HAT1: variants seen among roughly 807,000 people sequenced by gnomAD.
The protein encoded by HAT1 is histone acetyltransferase 1.
Under a neutral mutation model 56.6 loss-of-function variants are expected in HAT1, and 20 were observed. The observed-to-expected ratio is 0.35, with a 90% confidence interval of 0.25 to 0.51. The LOEUF (loss-of-function observed/expected upper bound fraction) is 0.51. Ranked by LOEUF, HAT1 falls within the 20% of genes least tolerant of loss-of-function variation. HAT1 has a pLI of 0.95. For synonymous variants in HAT1, 146 were observed against 165.5 expected, an observed-to-expected ratio of 0.88 and a Z score of 0.91; for missense variants, 408 against 504.3, an observed-to-expected ratio of 0.81 and a Z score of 1.83.
intron 2 of HAT1, among the ~76,000 whole-genome samples, chr2:171,942,606 C>T (rs1687044626): frequency 1.3e-5 from 2 of 152,098 alleles, no homozygotes; most frequent in African/African-American, 2.4e-5. Flanking sequence ...GTTTGCTGTA[C>T]TGCCATACCT....
intron 2 of HAT1, among the ~76,000 whole-genome samples, chr2:171,941,703 A>G (rs914490453): frequency 7.9e-5 from 12 of 152,140 alleles, no homozygotes; most frequent in Admixed American, 5.2e-4. Context: ...CAGTAGTGCA[A>G]GCAGTGGGGG....
chr2:171,965,177 G>A, intron 4 of HAT1, 161 bp from the exon 5 acceptor site: 1 of 580,224 alleles, frequency 1.7e-6, no homozygotes, highest in South Asian at 2.3e-5. Context: ...TGCAGTTTGT[G>A]CACAGGAAGC....
chr2:171,965,292 T>A (rs748381505), intron 4 of HAT1, 46 bp from the exon 5 acceptor site: 5 of 1,169,638 alleles, frequency 4.3e-6, no homozygotes, highest in Non-Finnish European at 6.1e-6. Flanking sequence ...CATATTCAAC[T>A]TAAAGTCGAA....
chr2:171,940,254 A>T (rs62182438), intron 2 of HAT1, among the ~76,000 whole-genome samples: 37,508 of 152,118 alleles, frequency 0.25, 5,054 homozygotes, highest in South Asian at 0.35. Flanking sequence ...ACGTATTCTC[A>T]TGCACATCCT....
intron 4 of HAT1, among the ~76,000 whole-genome samples, chr2:171,954,183 G>T (rs1687385000): frequency 6.6e-6 from 1 of 151,942 alleles, no homozygotes; most frequent in Non-Finnish European, 1.5e-5. Flanking sequence ...TTTTATTGTG[G>T]TTATTTCCTA....
chr2:171,925,765 C>T (rs1173469660), intron 2 of HAT1, 124 bp downstream of exon 2: 1 of 548,972 alleles, frequency 1.8e-6, no homozygotes, highest in Non-Finnish European at 3.3e-6. Context: ...TGGTTTTCTG[C>T]ATTTATTGAA....
chr2:171,933,407 A>G (rs958619823), intron 2 of HAT1, among the ~76,000 whole-genome samples: 29 of 152,064 alleles, frequency 1.9e-4, no homozygotes, highest in African/African-American at 6.3e-4. Context: ...TGTGTATATA[A>G]TTAACTTTAA....
intron 3 of HAT1, among the ~76,000 whole-genome samples, chr2:171,952,249 T>C (rs116001253): frequency 8.1e-4 from 124 of 152,354 alleles, no homozygotes; most frequent in Non-Finnish European, 1.6e-3. Context: ...TCTGTCTCTA[T>C]AGATTTACCT....
intron 2 of HAT1, among the ~76,000 whole-genome samples, chr2:171,926,619 C>G (rs1686599987): frequency 6.6e-6 from 1 of 152,118 alleles, no homozygotes; most frequent in Admixed American, 6.6e-5. Context: ...TAGAGATGGA[C>G]CCTACGTGTC....
At chr2:171,966,179 T>C in intron 6 of HAT1, 1 of 612,292 alleles carries the variant, frequency 1.6e-6, no homozygotes, top group South Asian at 1.9e-5. Context: ...CACCTATTCA[T>C]CTTTATAATA....
chr2:171,938,007 ATCTG>A (rs1160814320), intron 2 of HAT1, among the ~76,000 whole-genome samples: 4 of 115,490 alleles, frequency 3.5e-5, no homozygotes, highest in Admixed American at 8.8e-5. Flanking sequence ...CCATCTATCT[ATCTG>A]TCTGTCTACT....
At chr2:171,937,363 G>T (rs1686896437) in intron 2 of HAT1, among the ~76,000 whole-genome samples, 1 of 152,168 alleles carries the variant, frequency 6.6e-6, no homozygotes, top group Non-Finnish European at 1.5e-5. Flanking sequence ...CATACATGGT[G>T]GTTTGTGCCT....
chr2:171,957,088 G>A (rs1037338851), intron 4 of HAT1, among the ~76,000 whole-genome samples: 1 of 152,144 alleles, frequency 6.6e-6, no homozygotes, highest in African/African-American at 2.4e-5. Flanking sequence ...GCGACTCAAG[G>A]GTTTTGAGAA....
intron 8 of HAT1, among the ~76,000 whole-genome samples, chr2:171,970,132 C>G (rs1453352255): frequency 6.6e-6 from 1 of 152,060 alleles, no homozygotes; most frequent in African/African-American, 2.4e-5. Context: ...TGCACTCCAG[C>G]TAGGGGGACA....
intron 4 of HAT1, among the ~76,000 whole-genome samples, chr2:171,953,626 TAAAAAAAAAAAAAAAAAAAAA>T: frequency 1.2e-5 from 1 of 84,612 alleles, no homozygotes; most frequent in South Asian, 4.7e-4. Context: ...CCCTGTCTCT[TAAAAAAAAAAAAAAAAAAAAA>T]AAAAAAAATT....
intron 8 of HAT1, among the ~76,000 whole-genome samples, chr2:171,969,214 C>T (rs923509307): frequency 5.9e-5 from 9 of 152,100 alleles, no homozygotes; most frequent in Non-Finnish European, 1.3e-4. Context: ...CAATAGAAAT[C>T]GATTCTGGGC....
intron 4 of HAT1, among the ~76,000 whole-genome samples, chr2:171,963,058 T>C (rs1687610306): frequency 6.6e-6 from 1 of 151,850 alleles, no homozygotes; most frequent in South Asian, 2.1e-4. Context: ...AGTCAGGATT[T>C]TTTTTTTTCT....
chr2:171,965,897 C>T lies in HAT1; in HGVS notation c.600C>T (p.His200=). 2.5e-6 allele frequency: 4 copies of T among 1,612,904 alleles called. No homozygotes were observed. Among genetic ancestry groups the T allele is most frequent in the Non-Finnish European group, 3.4e-6 (4 of 1,178,994 alleles). The change falls in exon 6 of 11, where the codon CAC becomes CAT. Residue 200 remains histidine (H), a synonymous_variant. Transcript: ENST00000264108. ...TTGACGTGGATGATGAAAGATGGCA[C>T]TACTTTCTAGTGTAAGTACAGTTCT... ...SFIDVDDERW[H]YFLVFEKYNK... is the part of the protein sequence containing the mutation.
At chr2:171,957,474 C>T (rs551265708) in intron 4 of HAT1, among the ~76,000 whole-genome samples, 119 of 152,224 alleles carry the variant, frequency 7.8e-4, no homozygotes, top group Middle Eastern at 3.4e-3. Context: ...TTCACAGGTT[C>T]ATAGATGGAG....
Sources: gnomAD v4.1 joint callset for allele counts (sites outside exome capture counted in the v4.1 genomes callset) on GRCh38, gnomAD v4.1.1 for gene constraint, MANE v1.5 for transcripts, NCBI Gene and HGNC (gene_info 2026-07-23, HGNC 2026-07-21) for gene names.